PSMB1: variants seen among roughly 807,000 people sequenced by gnomAD.
PSMB1 encodes the protein proteasome subunit beta type-1.
In PSMB1, 7 loss-of-function variants were observed where a neutral mutation model predicts 25.4. The observed-to-expected ratio is 0.28, with a 90% CI of 0.16 to 0.52. The LOEUF (loss-of-function observed/expected upper bound fraction) is 0.52. Ranked by LOEUF, PSMB1 falls within the 20% of genes least tolerant of loss-of-function variation. The pLI is 0.97. For missense variants in PSMB1, 284 were observed against 302.2 expected, an observed-to-expected ratio of 0.94 and a Z score of 0.45; for synonymous variants, 119 against 115.0, an observed-to-expected ratio of 1.03 and a Z score of -0.22.
intron 2 of PSMB1, among the ~76,000 whole-genome samples, chr6:170,546,745 G>A (rs1203133224): frequency 6.6e-6 from 1 of 152,148 alleles, no homozygotes; most frequent in Non-Finnish European, 1.5e-5. Flanking sequence ...GATTACAGGT[G>A]TGAACCACTG....
intron 1 of PSMB1, chr6:170,549,798 T>C (rs771029390): frequency 6.6e-6 from 1 of 152,170 alleles, no homozygotes; most frequent in Non-Finnish European, 1.5e-5. Flanking sequence ...ATCACTGCAG[T>C]TGCTACCTCA....
At chr6:170,551,425 C>A (rs573819045) in intron 1 of PSMB1, among the ~76,000 whole-genome samples, 1 of 152,008 alleles carries the variant, frequency 6.6e-6, no homozygotes, top group African/African-American at 2.4e-5. Flanking sequence ...CCTCATTTTG[C>A]GGAAGCGAAG....
At position 170,540,317 on chromosome 6, in the gene PSMB1, G is replaced by A. The variant is rs549463640; in HGVS notation, c.434-2977C>T. 5.3e-5 allele frequency among the ~76,000 whole-genome samples: 8 copies of A among 152,104 alleles called. No individual in the cohort carries two copies. In the South Asian group the frequency reaches 1.5e-3, roughly 28 times the overall value. On this transcript the variant is annotated intron_variant, in intron 4 of 5. Transcript: ENST00000262193. ...GGGACCAGGCTCTAGAGTGGCAAAGGGTAGGAGCAAAACACATGAAATGGA... is the reference window on the plus strand; with the variant it reads ...GGGACCAGGCTCTAGAGTGGCAAAGAGTAGGAGCAAAACACATGAAATGGA...
intron 4 of PSMB1, among the ~76,000 whole-genome samples, chr6:170,542,310 G>A (rs1026465872): frequency 2.0e-5 from 3 of 152,106 alleles, no homozygotes; most frequent in African/African-American, 7.2e-5. Flanking sequence ...GTCAACAACC[G>A]AGAGGCAGGG....
intron 1 of PSMB1, 62 bp downstream of exon 1, chr6:170,553,066 TAA>T: frequency 7.0e-7 from 1 of 1,430,072 alleles, no homozygotes; most frequent in Non-Finnish European, 9.6e-7. Flanking sequence ...CGGTGACTCC[TAA>T]ATAGGCTTCA....
At chr6:170,551,272 G>A (rs60396310) in intron 1 of PSMB1, among the ~76,000 whole-genome samples, 2,629 of 152,276 alleles carry the variant, frequency 0.017, 56 homozygotes, top group Middle Eastern at 0.051. Context: ...AAGCCGAATC[G>A]AGGGACTCAT....
intron 3 of PSMB1, among the ~76,000 whole-genome samples, chr6:170,545,037 G>T (rs891469455): frequency 6.6e-6 from 1 of 151,816 alleles, no homozygotes; most frequent in African/African-American, 2.4e-5. Flanking sequence ...TCAGCTACTC[G>T]GGAGGCTGTG....
At chr6:170,545,962 C>T in intron 3 of PSMB1, 141 bp downstream of exon 3, 5 of 676,346 alleles carry the variant, frequency 7.4e-6, no homozygotes, top group Non-Finnish European at 1.3e-5. Context: ...GATATCATTT[C>T]ATTTCTAGCA....
At chr6:170,540,491 T>G (rs951693817) in intron 4 of PSMB1, among the ~76,000 whole-genome samples, 1 of 150,938 alleles carries the variant, frequency 6.6e-6, no homozygotes, top group African/African-American at 2.4e-5. Context: ...TGCTGCTTAC[T>G]TAAGCACCCA....
chr6:170,549,361 T>C (rs1005296564), intron 1 of PSMB1: 2 of 436,704 alleles, frequency 4.6e-6, no homozygotes, highest in African/African-American at 4.0e-5. Flanking sequence ...GAAAAGCCAA[T>C]GAATTATCAT....
At chr6:170,546,015 T>A (rs1169161086) in intron 3 of PSMB1, 88 bp downstream of exon 3, 3 of 1,134,558 alleles carry the variant, frequency 2.6e-6, no homozygotes, top group Non-Finnish European at 3.8e-6. Context: ...TCTCTAGCTA[T>A]CTGACCAACA....
intron 5 of PSMB1, among the ~76,000 whole-genome samples, chr6:170,535,614 C>A (rs536185470): frequency 1.3e-5 from 2 of 152,336 alleles, no homozygotes; most frequent in African/African-American, 4.8e-5. Flanking sequence ...TGGCAAAGCT[C>A]CCACTCTTGA....
intron 4 of PSMB1, among the ~76,000 whole-genome samples, chr6:170,542,280 T>C (rs765725656): frequency 2.6e-5 from 4 of 152,160 alleles, no homozygotes; most frequent in African/African-American, 4.8e-5. Context: ...AAAACGCTCA[T>C]GGAACAGAAA....
In PSMB1 at chr6:170,540,129, G is replaced by C. The variant is rs576731712; in HGVS notation, c.434-2789C>G. On this transcript the variant is annotated intron_variant, in intron 4 of 5. Coordinates refer to ENST00000262193, the MANE Select transcript of PSMB1 (RefSeq NM_002793.4). ...GAGAGCAGCTAAGAGATTAAAGACA[G>C]AGAGGTTAGTGCAGACAGCGGTTGA... Among the ~76,000 whole-genome samples the C allele has an allele frequency of 8.5e-5, 13 of 152,288 alleles. No homozygotes were observed. In the South Asian group the frequency reaches 2.5e-3, roughly 29 times the overall value.
chr6:170,543,705 G>A lies in PSMB1; in HGVS notation c.329C>T (p.Ala110Val), dbSNP rs768870187. Residue 110 changes from alanine (A) to valine (V), a missense_variant, in exon 4 of 6, where the codon GCC becomes GTC. By Grantham distance (64) the Ala-to-Val change is moderately conservative (BLOSUM62 0). Transcript: ENST00000262193. ...LKMYKHSNNK[A>V]MTTGAIAAML... ...TGCAGCAATTGCCCCCGTAGTCATG[G>A]CCTTATTATTGGAATGCTTATACAT... 6.2e-7 allele frequency: 1 copy of A among 1,610,402 alleles called. No homozygotes were observed. The highest frequency in any genetic ancestry group is 1.7e-5 in the Admixed American group (1 of 59,564).
chr6:170,537,020 T>C (rs544219692), intron 5 of PSMB1, among the ~76,000 whole-genome samples: 42 of 151,932 alleles, frequency 2.8e-4, no homozygotes, highest in African/African-American at 9.7e-4. Flanking sequence ...ACCATGGGAG[T>C]AGGTAAGGAC....
At chr6:170,537,427 C>T (rs1420659048) in intron 4 of PSMB1, 87 bp from the exon 5 acceptor site, 11 of 1,043,502 alleles carry the variant, frequency 1.1e-5, no homozygotes, top group African/African-American at 4.7e-5. Flanking sequence ...AAACGTGACA[C>T]AAAACGGACT....
At chr6:170,549,358 C>A in intron 1 of PSMB1, 1 of 441,270 alleles carries the variant, frequency 2.3e-6, no homozygotes, top group Non-Finnish European at 4.0e-6. Context: ...ACAGAAAAGC[C>A]AATGAATTAT....
At chr6:170,549,903 A>C (rs759432626) in intron 1 of PSMB1, 7 of 152,220 alleles carry the variant, frequency 4.6e-5, no homozygotes, top group Non-Finnish European at 8.8e-5. Context: ...GTGCTATGGC[A>C]CTGGAGTATG....
Sources: allele counts gnomAD v4.1 joint callset (sites outside exome capture counted in the v4.1 genomes callset), GRCh38; gene constraint gnomAD v4.1.1; transcripts MANE v1.5; gene names NCBI Gene and HGNC (gene_info 2026-07-23, HGNC 2026-07-21).